FREM1: variants seen among roughly 807,000 people sequenced by gnomAD.
FREM1 encodes FRAS1 related extracellular matrix 1.
FREM1 carries 220 observed loss-of-function variants against 210.1 expected under a neutral mutation model. That is an observed-to-expected ratio of 1.05 (90% CI 0.94 to 1.17). FREM1 has a LOEUF of 1.17. FREM1 is among the 50% of genes most tolerant of loss of function. The pLI is 0.00. For missense variants in FREM1, 3,454 were observed against 2,675.5 expected, an observed-to-expected ratio of 1.29 and a Z score of -6.42; for synonymous variants, 1,189 against 980.2, an observed-to-expected ratio of 1.21 and a Z score of -3.98.
chr9:14,822,991 G>C (rs1405110374), intron 13 of FREM1, among the ~76,000 whole-genome samples, 169 bp downstream of exon 13: 2 of 152,114 alleles, frequency 1.3e-5, no homozygotes, highest in Non-Finnish European at 2.9e-5. Flanking sequence ...GGGAGTAAAA[G>C]ACTCCCTTCT....
At chr9:14,796,746 A>G (rs1239315298) in intron 21 of FREM1, among the ~76,000 whole-genome samples, 1 of 152,142 alleles carries the variant, frequency 6.6e-6, no homozygotes, top group East Asian at 1.9e-4. Flanking sequence ...CTACCATGTG[A>G]AGAAGGATGT....
intron 2 of FREM1, among the ~76,000 whole-genome samples, chr9:14,867,240 C>T (rs140096766): frequency 6.6e-6 from 1 of 152,284 alleles, no homozygotes; most frequent in East Asian, 1.9e-4. Context: ...CTTCCTCATC[C>T]TATGTAGCAC....
In FREM1 at chr9:14,737,316, T is replaced by G; in HGVS notation, c.*80A>C. ...TACCCACTCAATCATAACAATTTGTTTTCTATGGAGCAATATTCACAGATC... is the reference window on the plus strand; with the variant it reads ...TACCCACTCAATCATAACAATTTGTGTTCTATGGAGCAATATTCACAGATC... On this transcript the variant is annotated 3_prime_UTR_variant, in exon 37 of 37. Transcript: ENST00000380880. 1 of 1,065,966 alleles carries G rather than the reference T, an allele frequency of 9.4e-7. No homozygotes were observed. The allele number at this position is 1,065,966 out of a possible 1,614,324, so 66.0% of individuals were successfully genotyped here.
At chr9:14,753,890 T>C (rs1843809201) in intron 29 of FREM1, among the ~76,000 whole-genome samples, 1 of 152,234 alleles carries the variant, frequency 6.6e-6, no homozygotes, top group African/African-American at 2.4e-5. Context: ...GATATGCTTA[T>C]ATTATTTCTT....
intron 8 of FREM1, 81 bp from the exon 9 acceptor site, chr9:14,842,741 G>A (rs1825907307): frequency 3.0e-6 from 3 of 985,714 alleles, no homozygotes; most frequent in South Asian, 3.0e-5. Context: ...CAATACAGTA[G>A]AGGCTGCTAA....
At chr9:14,875,513 C>T (rs1252347962) in intron 1 of FREM1, among the ~76,000 whole-genome samples, 1 of 152,204 alleles carries the variant, frequency 6.6e-6, no homozygotes, top group East Asian at 1.9e-4. Context: ...CGAGCCTTGG[C>T]TTTCAGCTCC....
intron 35 of FREM1, among the ~76,000 whole-genome samples, chr9:14,742,905 A>G (rs182834545): frequency 3.3e-5 from 5 of 152,222 alleles, no homozygotes; most frequent in Admixed American, 1.3e-4. Flanking sequence ...TAGAGAGTAT[A>G]AGGATGAAAA....
intron 35 of FREM1, among the ~76,000 whole-genome samples, chr9:14,744,306 A>T (rs572371287): frequency 1.3e-5 from 2 of 152,218 alleles, no homozygotes; most frequent in Middle Eastern, 6.8e-3. Context: ...AATTTGATGA[A>T]TTTTGCCAAT....
chr9:14,852,034 T>G (rs1007133992), intron 5 of FREM1, among the ~76,000 whole-genome samples: 10 of 152,192 alleles, frequency 6.6e-5, no homozygotes, highest in African/African-American at 2.4e-4. Context: ...CTACCAAGAA[T>G]TAAGTGAGGA....
Position 14,847,197 on chromosome 9 carries a change from T to C in FREM1, c.1262-1106A>G, listed in dbSNP as rs192778341. Among the ~76,000 whole-genome samples, 35 of 152,216 alleles carry C rather than the reference T, an allele frequency of 2.3e-4. No homozygotes were observed. The East Asian group carries it at 6.8e-3, about 29-fold the overall frequency. On this transcript the variant is annotated intron_variant, in intron 7 of 36. Transcript: ENST00000380880. ...ACTCTTACCAGACACAGCAGTTGCA[T>C]CTTCTCCCTGGAGACATCAACACTG...
chr9:14,746,727 G>A (rs902438964), intron 34 of FREM1, among the ~76,000 whole-genome samples, 196 bp downstream of exon 34: 1 of 152,170 alleles, frequency 6.6e-6, no homozygotes, highest in Admixed American at 6.5e-5. Context: ...TTCTTAAATG[G>A]TATTGATTTA....
chr9:14,905,956 C>T lies in FREM1; in HGVS notation c.-268+3958G>A, dbSNP rs1201964613. On this transcript the variant is annotated intron_variant, in intron 1 of 36. Coordinates refer to ENST00000380880, the MANE Select transcript of FREM1 (RefSeq NM_001379081.2). ...CAGGCTGCTGATCAGAGTTAAAGGCCACGGGAGTGGTGGGTTGAGATCTGT... is the reference window on the plus strand; with the variant it reads ...CAGGCTGCTGATCAGAGTTAAAGGCTACGGGAGTGGTGGGTTGAGATCTGT... Among the ~76,000 whole-genome samples, 3 of 151,988 alleles carry T rather than the reference C, an allele frequency of 2.0e-5. No homozygotes were observed. The East Asian group carries it at 5.8e-4, about 29-fold the overall frequency.
chr9:14,837,229 C>T (rs1824800227), intron 10 of FREM1, among the ~76,000 whole-genome samples: 1 of 152,120 alleles, frequency 6.6e-6, no homozygotes, highest in Admixed American at 6.5e-5. Context: ...CATGCCTGGT[C>T]AAACCTATTT....
chr9:14,754,941 A>T (rs1483952531), intron 29 of FREM1, among the ~76,000 whole-genome samples: 1 of 152,108 alleles, frequency 6.6e-6, no homozygotes, highest in African/African-American at 2.4e-5. Flanking sequence ...CTCAAAAAAG[A>T]AAAAAGGGGC....
At chr9:14,885,827 A>T (rs1031350263) in intron 1 of FREM1, among the ~76,000 whole-genome samples, 7 of 152,212 alleles carry the variant, frequency 4.6e-5, no homozygotes, top group Non-Finnish European at 8.8e-5. Flanking sequence ...CATATCTATT[A>T]CCTTACATAT....
chr9:14,845,590 C>A (rs1285375763), intron 8 of FREM1, among the ~76,000 whole-genome samples: 1 of 152,194 alleles, frequency 6.6e-6, no homozygotes, highest in Non-Finnish European at 1.5e-5. Context: ...CAGGCGTGAG[C>A]CACTGCGCTC....
In FREM1 at chr9:14,868,728, C is replaced by G. The variant is rs568618164; in HGVS notation, c.234+16G>C. 4.9e-5 allele frequency: 74 copies of G among 1,523,270 alleles called. No individual in the cohort carries two copies. The highest frequency in any genetic ancestry group is 6.4e-5 in the Non-Finnish European group (71 of 1,104,444). 94.4% of individuals were successfully genotyped at this position (1,523,270 alleles called of 1,614,324 possible). On this transcript the variant is annotated intron_variant, in intron 2 of 36. Transcript: ENST00000380880. ...TCATACACACGACTGAACAGAAAAT[C>G]GCAGATAGGACCTACCTGTGGAGTG...
intron 13 of FREM1, among the ~76,000 whole-genome samples, chr9:14,822,709 G>A (rs1821604543): frequency 6.6e-6 from 1 of 152,064 alleles, no homozygotes; most frequent in Non-Finnish European, 1.5e-5. Context: ...CAAACACAGG[G>A]CAGTGGGGCA....
intron 20 of FREM1, among the ~76,000 whole-genome samples, chr9:14,801,184 G>A (rs1262979123): frequency 6.6e-6 from 1 of 152,106 alleles, no homozygotes; most frequent in Non-Finnish European, 1.5e-5. Context: ...TTTTAGTAGA[G>A]ACAGGGTTTC....
Sources: allele counts gnomAD v4.1 joint callset (sites outside exome capture counted in the v4.1 genomes callset), GRCh38; gene constraint gnomAD v4.1.1; transcripts MANE v1.5; gene names NCBI Gene and HGNC (gene_info 2026-07-23, HGNC 2026-07-21).